CD96: variants seen among roughly 807,000 people sequenced by gnomAD.
CD96 encodes the protein CD96 molecule.
CD96 carries 70 observed loss-of-function variants against 71.3 expected under a neutral mutation model. The ratio of observed to expected loss-of-function variants is 0.98; its 90% CI spans 0.81 to 1.20. The LOEUF is 1.20. CD96 is among the 50% of genes most tolerant of loss of function. The pLI is 0.00. For missense variants in CD96, 742 were observed against 677.5 expected (o/e 1.10, Z -1.06); for synonymous variants, 248 against 233.0 (o/e 1.06, Z -0.59).
chr3:111,599,490 G>A (rs951788055), intron 6 of CD96, among the ~76,000 whole-genome samples: 1 of 151,988 alleles, frequency 6.6e-6, no homozygotes, highest in Non-Finnish European at 1.5e-5. Context: ...GAGGCCGAAG[G>A]GTGTGGATTA....
intron 5 of CD96, among the ~76,000 whole-genome samples, chr3:111,597,441 A>G (rs1347293285): frequency 1.3e-5 from 2 of 152,218 alleles, no homozygotes; most frequent in Non-Finnish European, 2.9e-5. Context: ...TTATTAAAAA[A>G]TATGTTGGAC....
chr3:111,637,430 A>G (rs1939382294), intron 11 of CD96, among the ~76,000 whole-genome samples, 169 bp downstream of exon 11: 1 of 152,260 alleles, frequency 6.6e-6, no homozygotes, highest in African/African-American at 2.4e-5. Flanking sequence ...TCAGCCATTC[A>G]AAGAAGATAG....
At position 111,644,686 on chromosome 3, in the gene CD96, C is replaced by A. The variant is rs376513517; in HGVS notation, c.1478-2857C>A. On this transcript the variant is annotated intron_variant, in intron 12 of 13. Coordinates refer to ENST00000352690, the MANE Select transcript of CD96 (RefSeq NM_005816.5). The stretch of plus-strand genomic sequence containing the variant: ...AATTAGTAAGAAAAAAACAAACAAC[C>A]CTATCAAAAAGTGGGCTAAGGACAT... Among the ~76,000 whole-genome samples the A allele has an allele frequency of 1.6e-4, 25 of 152,074 alleles. No homozygotes were observed. In the East Asian group the frequency reaches 2.5e-3, roughly 15 times the overall value.
intron 14 of CD96, among the ~76,000 whole-genome samples, chr3:111,663,780 G>C (rs561198528): frequency 2.1e-5 from 3 of 146,012 alleles, no homozygotes; most frequent in African/African-American, 5.0e-5. Flanking sequence ...ATGGAGTCTC[G>C]CTCTGTTGCC....
At chr3:111,562,133 A>C (rs187079207) in intron 2 of CD96, among the ~76,000 whole-genome samples, 8 of 152,172 alleles carry the variant, frequency 5.3e-5, no homozygotes, top group Admixed American at 4.6e-4. Context: ...AGATGAACCC[A>C]GTACCTCAGA....
intron 14 of CD96, among the ~76,000 whole-genome samples, chr3:111,663,140 TC>T (rs1183008738): frequency 6.6e-6 from 1 of 152,114 alleles, no homozygotes; most frequent in Non-Finnish European, 1.5e-5. Flanking sequence ...AAGGAGGAAG[TC>T]CTACACCCTT....
At chr3:111,657,489 C>T (rs545830517) in intron 14 of CD96, among the ~76,000 whole-genome samples, 3 of 145,842 alleles carry the variant, frequency 2.1e-5, no homozygotes, top group African/African-American at 5.0e-5. Flanking sequence ...ACCCCAGTCT[C>T]GTGTAGGGTG....
At position 111,651,876 on chromosome 3, in the gene CD96, T is replaced by G. The variant is rs1415997359; in HGVS notation, c.*2070T>G. 6 of 123,882 alleles carry G rather than the reference T, an allele frequency of 4.8e-5. No homozygotes were observed. 7.7% of individuals were successfully genotyped at this position (123,882 alleles called of 1,614,324 possible). A position where few individuals can be genotyped will look rare whatever the true frequency, so the allele number is the denominator to read the frequency against. ...TCCAATCTGGGTGAAAGACCGAGAC[T>G]CCGCCTCAAAAAAAAAAAAAAAAGA... On this transcript the variant is annotated 3_prime_UTR_variant, in exon 14 of 14. Transcript: ENST00000352690.
chr3:111,619,715 C>T (rs936901034), intron 8 of CD96, among the ~76,000 whole-genome samples: 2 of 151,976 alleles, frequency 1.3e-5, no homozygotes, highest in African/African-American at 2.4e-5. Flanking sequence ...AAAAACATGG[C>T]TATGAGGAAT....
rs199937495 is a variant in CD96, at chr3:111,620,648, T to C, written c.1181-3106T>C. On this transcript the variant is annotated intron_variant, in intron 8 of 13. Transcript: ENST00000352690. Reference sequence around the variant, plus strand: ...CAATAGGAGCGAAATAACTTTGTGCTCCCTGGGGAAAGAGACTAGGAGACT... The same window carrying C: ...CAATAGGAGCGAAATAACTTTGTGCCCCCTGGGGAAAGAGACTAGGAGACT... 6.6e-5 allele frequency among the ~76,000 whole-genome samples: 10 copies of C among 152,286 alleles called. No homozygotes were observed. In the East Asian group the frequency reaches 1.7e-3, roughly 26 times the overall value.
In CD96 at chr3:111,624,529, A is replaced by T. The variant is rs973833496; in HGVS notation, c.1321+125A>T. 16 of 715,024 alleles carry T rather than the reference A, an allele frequency of 2.2e-5. No individual in the cohort carries two copies. In the South Asian group the frequency reaches 2.4e-4, roughly 11 times the overall value. The allele number at this position is 715,024 out of a possible 1,614,324, so 44.3% of individuals were successfully genotyped here. The stretch of plus-strand genomic sequence containing the variant: ...TGCAAATGTTCACAAAGCATCTATC[A>T]TGTTTAAAGTATTGTTGTAGATTCT... On this transcript the variant is annotated intron_variant, in intron 10 of 13. Transcript: ENST00000352690.
At chr3:111,661,119 T>A (rs1276606935) in intron 14 of CD96, among the ~76,000 whole-genome samples, 1 of 152,116 alleles carries the variant, frequency 6.6e-6, no homozygotes, top group Non-Finnish European at 1.5e-5. Context: ...GAACCAAGCA[T>A]GTCTTCACAT....
chr3:111,577,675 A>T, intron 3 of CD96: 1 of 777,348 alleles, frequency 1.3e-6, no homozygotes, highest in Non-Finnish European at 2.4e-6. Context: ...ACGGTGTCTT[A>T]CATAAGAGTT....
At chr3:111,598,035 C>T (rs1329631866) in intron 5 of CD96, 85 bp from the exon 6 acceptor site, 4 of 644,386 alleles carry the variant, frequency 6.2e-6, no homozygotes, top group African/African-American at 2.5e-5. Context: ...CTCTTTTTTG[C>T]CAACTTATAT....
At chr3:111,573,652 C>G (rs1253291192) in intron 3 of CD96, among the ~76,000 whole-genome samples, 1 of 145,052 alleles carries the variant, frequency 6.9e-6, no homozygotes, top group Non-Finnish European at 1.6e-5. Context: ...AAGAGAAGGA[C>G]AAGAATATTT....
chr3:111,664,025 C>T (rs1940421809), intron 14 of CD96, among the ~76,000 whole-genome samples: 1 of 152,186 alleles, frequency 6.6e-6, no homozygotes, highest in Non-Finnish European at 1.5e-5. Flanking sequence ...GATGGGGTTA[C>T]AGGCTTGAGC....
chr3:111,558,038 A>AT lies in CD96; in HGVS notation c.419-9480dup, dbSNP rs1576313755. On this transcript the variant is annotated intron_variant, in intron 2 of 13. Coordinates refer to ENST00000352690, the MANE Select transcript of CD96 (RefSeq NM_005816.5). ...TTGTTGGTGTATAAGAATGCTTGTG[A>AT]TTTTTGTACATTGATTCTGTATCCT... is the stretch of plus-strand genomic sequence containing the variant. Among the ~76,000 whole-genome samples, 6 of 148,926 alleles carry AT rather than the reference A, an allele frequency of 4.0e-5. No homozygotes were observed. The East Asian group carries it at 1.2e-3, about 29-fold the overall frequency.
chr3:111,600,621 T>C (rs1332970856), intron 6 of CD96, 105 bp from the exon 7 acceptor site: 11 of 874,184 alleles, frequency 1.3e-5, no homozygotes, highest in Non-Finnish European at 1.9e-5. Flanking sequence ...ATTTGACCAC[T>C]TTAGACTCTA....
At chr3:111,616,623 T>G (rs1938250028) in intron 8 of CD96, among the ~76,000 whole-genome samples, 1 of 152,178 alleles carries the variant, frequency 6.6e-6, no homozygotes, top group African/African-American at 2.4e-5. Flanking sequence ...TAGTCTTTAG[T>G]GTCAGACAGC....
Sources: allele counts gnomAD v4.1 joint callset (sites outside exome capture counted in the v4.1 genomes callset), GRCh38; gene constraint gnomAD v4.1.1; transcripts MANE v1.5; gene names NCBI Gene and HGNC (gene_info 2026-07-23, HGNC 2026-07-21).